ANKMY1: variants seen among roughly 807,000 people sequenced by gnomAD.
The protein encoded by ANKMY1 is ankyrin repeat and MYND domain containing 1, also known as ankyrin repeat and MYND domain-containing protein 1.
ANKMY1 carries 98 observed loss-of-function variants against 102.0 expected under a neutral mutation model. The observed-to-expected ratio is 0.96, with a 90% CI of 0.82 to 1.14. The LOEUF is 1.14. ANKMY1 is among the 50% of genes most tolerant of loss of function. The pLI is 0.00. For synonymous variants in ANKMY1, 582 were observed against 559.9 expected, an observed-to-expected ratio of 1.04 and a Z score of -0.56; for missense variants, 1,330 against 1,347.6, an observed-to-expected ratio of 0.99 and a Z score of 0.20.
At chr2:240,501,428 C>T (rs893133549) in intron 13 of ANKMY1, among the ~76,000 whole-genome samples, 4 of 152,192 alleles carry the variant, frequency 2.6e-5, no homozygotes, top group African/African-American at 9.7e-5. Flanking sequence ...AAAGAGGCTG[C>T]CCCACCTGAC....
intron 15 of ANKMY1, among the ~76,000 whole-genome samples, chr2:240,491,957 G>A (rs1179725371): frequency 1.3e-5 from 2 of 151,752 alleles, no homozygotes; most frequent in Non-Finnish European, 2.9e-5. Context: ...TCTCTTCCTA[G>A]ACTTGAGAAG....
chr2:240,533,323 A>G (rs2152455947), intron 4 of ANKMY1, among the ~76,000 whole-genome samples: 1 of 152,354 alleles, frequency 6.6e-6, no homozygotes, highest in Non-Finnish European at 1.5e-5. Context: ...ATAATAAGAT[A>G]GCAGACGTAA....
chr2:240,503,312 T>C (rs2078528395), intron 13 of ANKMY1, among the ~76,000 whole-genome samples: 1 of 152,162 alleles, frequency 6.6e-6, no homozygotes, highest in Non-Finnish European at 1.5e-5. Flanking sequence ...CTAGAAATGT[T>C]CGTGAGAAGA....
At chr2:240,560,628 G>T, upstream of ANKMY1, 1 of 1,410,826 alleles carries the variant, frequency 7.1e-7, no homozygotes, top group Non-Finnish European at 9.2e-7. Flanking sequence ...CTGGGCGGGC[G>T]CCTGAGCCCC....
Position 240,482,256 on chromosome 2 carries a change from G to A in ANKMY1, c.2812C>T (p.Leu938=), listed in dbSNP as rs2075487739. The change falls in exon 16 of 18, where the codon CTG becomes TTG. Residue 938 remains leucine (L), a synonymous_variant. Coordinates refer to ENST00000401804, the MANE Select transcript of ANKMY1 (RefSeq NM_001282771.3). Reference sequence around the variant, plus strand: ...TTCTTCATCCTGTGGCTGGGGATCAGCTCCGCTGCATGAGAGAGGGTCCCG... The same window carrying A: ...TTCTTCATCCTGTGGCTGGGGATCAACTCCGCTGCATGAGAGAGGGTCCCG... ...TWLYLCKRAE[L]IPSHRMKKKG... 2 of 1,611,968 alleles carry A rather than the reference G, an allele frequency of 1.2e-6. No individual in the cohort carries two copies. Among genetic ancestry groups the A allele is most frequent in the Non-Finnish European group, 1.7e-6 (2 of 1,179,146 alleles).
At chr2:240,528,283 G>A (rs1392335726) in intron 5 of ANKMY1, among the ~76,000 whole-genome samples, 1 of 138,926 alleles carries the variant, frequency 7.2e-6, no homozygotes, top group African/African-American at 2.7e-5. Flanking sequence ...GAGACTCTGT[G>A]CCTGCCCCCA....
intron 11 of ANKMY1, among the ~76,000 whole-genome samples, chr2:240,511,577 T>C (rs1185256770): frequency 1.3e-5 from 2 of 152,206 alleles, no homozygotes; most frequent in Non-Finnish European, 2.9e-5. Flanking sequence ...CACCAGACGG[T>C]CACAGCCCAG....
intron 4 of ANKMY1, among the ~76,000 whole-genome samples, chr2:240,545,059 C>A (rs1228412574): frequency 3.9e-5 from 6 of 152,220 alleles, no homozygotes; most frequent in Non-Finnish European, 8.8e-5. Flanking sequence ...GGGGGCAGGG[C>A]ACAGACACAC....
chr2:240,553,079 G>A (rs1381184100), intron 3 of ANKMY1, 22 bp from the exon 4 acceptor site: 2 of 1,609,902 alleles, frequency 1.2e-6, no homozygotes, highest in Non-Finnish European at 1.7e-6. Context: ...AGAAGTTGGT[G>A]AGAAATTGCT....
chr2:240,481,565 T>TC (rs1223335662), intron 16 of ANKMY1, among the ~76,000 whole-genome samples: 1 of 152,170 alleles, frequency 6.6e-6, no homozygotes, highest in African/African-American at 2.4e-5. Context: ...AGCCTTCCTG[T>TC]CCTGCACCAG....
At chr2:240,537,927 C>A (rs1203482681) in intron 4 of ANKMY1, among the ~76,000 whole-genome samples, 1 of 152,218 alleles carries the variant, frequency 6.6e-6, no homozygotes, top group Non-Finnish European at 1.5e-5. Flanking sequence ...CTGTACCTCG[C>A]TTCTCTTTTC....
At chr2:240,504,938 G>T (rs1416128019) in intron 13 of ANKMY1, among the ~76,000 whole-genome samples, 2 of 152,142 alleles carry the variant, frequency 1.3e-5, no homozygotes, top group Admixed American at 6.5e-5. Context: ...AGTGAGCAGA[G>T]ATCACATCAC....
chr2:240,509,288 G>C (rs1471054114), intron 12 of ANKMY1, 60 bp downstream of exon 12: 8 of 1,361,962 alleles, frequency 5.9e-6, no homozygotes, highest in Non-Finnish European at 8.2e-6. Context: ...GACTGGTGGG[G>C]TGGGCACTGG....
rs1386355476 is a variant in ANKMY1 at position 240,529,053 on chromosome 2, G to T, written c.937C>A (p.Gln313Lys). The T allele has an allele frequency of 6.8e-6, 11 of 1,613,944 alleles. No homozygotes were observed. The highest frequency in any genetic ancestry group is 9.3e-6 in the Non-Finnish European group (11 of 1,179,984). Residue 313 changes from glutamine to lysine, a missense_variant, in exon 5 of 18, where the codon CAA (glutamine) becomes AAA (lysine). Physicochemically the swap from Gln to Lys is moderately conservative, Grantham distance 53. Coordinates refer to ENST00000401804, the MANE Select transcript of ANKMY1 (RefSeq NM_001282771.3). The surrounding 1 kb of genome is among the most constrained non-coding windows in gnomAD (Gnocchi z 4.2). ...ACTAGTCACCTGAACTTGTAAGTTTGCTTCTGGATTTTGACCAACAAAGGG... is the reference window on the plus strand; with the variant it reads ...ACTAGTCACCTGAACTTGTAAGTTTTCTTCTGGATTTTGACCAACAAAGGG... Reference protein sequence around the residue: ...ETPLLVKIQKQTYKFRNKPAH... With the variant: ...ETPLLVKIQKKTYKFRNKPAH...
At chr2:240,473,859 T>C in the ANKMY1 span, among the ~76,000 whole-genome samples, 1 of 152,118 alleles carries the variant, frequency 6.6e-6, no homozygotes, top group East Asian at 1.9e-4. Flanking sequence ...ACAGAAGGAA[T>C]ATACCTCAAC....
intron 4 of ANKMY1, among the ~76,000 whole-genome samples, chr2:240,532,335 G>A (rs1414759500): frequency 6.6e-6 from 1 of 152,172 alleles, no homozygotes; most frequent in African/African-American, 2.4e-5. Flanking sequence ...TTCAAGAACT[G>A]AGGCAAAAAC....
intron 13 of ANKMY1, among the ~76,000 whole-genome samples, chr2:240,504,632 A>T (rs1446729467): frequency 1.3e-5 from 2 of 152,248 alleles, no homozygotes; most frequent in East Asian, 3.8e-4. Flanking sequence ...CATTTCTCCA[A>T]ATAAGATATA....
At chr2:240,495,709 C>A (rs1435547015) in intron 15 of ANKMY1, among the ~76,000 whole-genome samples, 1 of 152,114 alleles carries the variant, frequency 6.6e-6, no homozygotes, top group Non-Finnish European at 1.5e-5. Context: ...TGGTAGTTGT[C>A]CCCCGGGCCC....
chr2:240,551,947 G>C (rs551468836), intron 4 of ANKMY1, among the ~76,000 whole-genome samples: 1 of 152,342 alleles, frequency 6.6e-6, no homozygotes, highest in South Asian at 2.1e-4. Context: ...TCAAAGAGCT[G>C]AAACTCCTCT....
Sources: gnomAD v4.1 joint callset for allele counts (sites outside exome capture counted in the v4.1 genomes callset) on GRCh38, gnomAD v4.1.1 for gene constraint, Gnocchi (gnomAD v3.1) non-coding constraint, MANE v1.5 for transcripts, NCBI Gene and HGNC (gene_info 2026-07-23, HGNC 2026-07-21) for gene names.